Variants in GOLPH3L observed in about 807,000 individuals in gnomAD.
GOLPH3L encodes the protein Golgi phosphoprotein 3-like.
In GOLPH3L, 22 loss-of-function variants were observed where a neutral mutation model predicts 30.3. The observed-to-expected ratio is 0.73, with a 90% CI of 0.52 to 1.04. GOLPH3L has a LOEUF of 1.04. Ranked by LOEUF, GOLPH3L falls within the 50% of genes least tolerant of loss-of-function variation. GOLPH3L has a pLI of 0.00. For synonymous variants in GOLPH3L, 120 were observed against 128.2 expected, an observed-to-expected ratio of 0.94 and a Z score of 0.43; for missense variants, 303 against 345.8, an observed-to-expected ratio of 0.88 and a Z score of 0.98.
At chr1:150,684,535 T>C (rs11204695) in intron 2 of GOLPH3L, among the ~76,000 whole-genome samples, 2 of 151,892 alleles carry the variant, frequency 1.3e-5, no homozygotes, top group Non-Finnish European at 2.9e-5. Context: ...TACTCATATT[T>C]ATCTCTTTTT....
At chr1:150,664,626 G>T (rs929757492) in intron 2 of GOLPH3L, among the ~76,000 whole-genome samples, 1 of 151,896 alleles carries the variant, frequency 6.6e-6, no homozygotes, top group Non-Finnish European at 1.5e-5. Context: ...GCTAATTTTT[G>T]TATTTTTAGT....
Position 150,678,284 on chromosome 1 carries a change from C to CAAA in GOLPH3L, c.184-14524_184-14522dup, listed in dbSNP as rs75131824. 4.7e-3 allele frequency among the ~76,000 whole-genome samples: 214 copies of CAAA among 45,742 alleles called. 7 individuals carry two copies. Among genetic ancestry groups the CAAA allele is most frequent in the African/African-American group, 0.013 (158 of 12,448 alleles). The allele number at this position is 45,742 out of a possible 152,430, so 30.0% of individuals were successfully genotyped here. ...GGGCAACAAGATCGAAACTCCGTCT[C>CAAA]AAAAAAAAAAAAAAAAAAAAAAAGG... On this transcript the variant is annotated intron_variant, in intron 2 of 4. Coordinates refer to ENST00000271732, the MANE Select transcript of GOLPH3L (RefSeq NM_018178.6).
At chr1:150,653,831 T>G (rs1349860715) in intron 4 of GOLPH3L, among the ~76,000 whole-genome samples, 1 of 151,500 alleles carries the variant, frequency 6.6e-6, no homozygotes, top group Non-Finnish European at 1.5e-5. Flanking sequence ...GGCACAATCT[T>G]GTCTCACTGC....
At chr1:150,679,394 G>C (rs1650893240) in intron 2 of GOLPH3L, among the ~76,000 whole-genome samples, 1 of 152,194 alleles carries the variant, frequency 6.6e-6, no homozygotes, top group Admixed American at 6.5e-5. Context: ...TCTTCTGGCA[G>C]ACATTTAAGT....
intron 2 of GOLPH3L, among the ~76,000 whole-genome samples, chr1:150,692,412 G>A (rs587763904): frequency 1.4e-3 from 214 of 152,210 alleles, no homozygotes; most frequent in South Asian, 3.3e-3. Flanking sequence ...ATTTTTTGAG[G>A]CCTTGCTCTG....
chr1:150,674,990 G>A (rs1207992307), intron 2 of GOLPH3L, among the ~76,000 whole-genome samples: 2 of 152,086 alleles, frequency 1.3e-5, no homozygotes, highest in African/African-American at 2.4e-5. Flanking sequence ...TCCTGGGCTT[G>A]AGTTATCCTC....
At chr1:150,655,601 G>C (rs1650220360) in intron 4 of GOLPH3L, among the ~76,000 whole-genome samples, 1 of 152,140 alleles carries the variant, frequency 6.6e-6, no homozygotes, top group East Asian at 1.9e-4. Flanking sequence ...TAAGCCTCCA[G>C]AGCCTATACC....
In GOLPH3L at chr1:150,648,635, G is replaced by A. The variant is rs766238563; in HGVS notation, c.544C>T (p.Leu182=). 44 of 1,613,346 alleles carry A rather than the reference G, an allele frequency of 2.7e-5. No individual in the cohort carries two copies. Among genetic ancestry groups the A allele is most frequent in the Admixed American group, 5.0e-5 (3 of 59,972 alleles). The change falls in exon 5 of 5, where the codon CTA becomes TTA. Residue 182 remains leucine, a synonymous_variant. Transcript: ENST00000271732. ...ACTGGATGAGTAGTCATGTCAAATA[G>A]CAGGAAATTCTGCTTCTCAGTGGTT... ...ILTTEKQNFL[L]FDMTTHPVTN... is the part of the protein sequence containing the mutation.
intron 4 of GOLPH3L, among the ~76,000 whole-genome samples, chr1:150,656,911 T>C (rs933188959): frequency 1.3e-5 from 2 of 152,186 alleles, no homozygotes; most frequent in African/African-American, 4.8e-5. Context: ...TTTAAACCAA[T>C]TGAAGGTGCT....
chr1:150,694,159 A>C lies in GOLPH3L; in HGVS notation c.183+497T>G, dbSNP rs759117724. ...CAGGCGTGAGCCACCGCGTAATCCA[A>C]CTGTTGATATTTGCCTTATAAAGAT... On this transcript the variant is annotated intron_variant, in intron 2 of 4. Coordinates refer to ENST00000271732, the MANE Select transcript of GOLPH3L (RefSeq NM_018178.6). 67 of 451,170 alleles carry C rather than the reference A, an allele frequency of 1.5e-4. 1 individual carries two copies. Among genetic ancestry groups the C allele is most frequent in the South Asian group, 1.0e-3 (65 of 61,924 alleles). The allele number at this position is 451,170 out of a possible 1,614,324, so 27.9% of individuals were successfully genotyped here.
At chr1:150,665,072 T>C (rs956928080) in intron 2 of GOLPH3L, among the ~76,000 whole-genome samples, 8 of 152,134 alleles carry the variant, frequency 5.3e-5, no homozygotes, top group African/African-American at 9.7e-5. Context: ...ACTTATTATA[T>C]ACTAGATATG....
At chr1:150,678,770 C>G (rs187333555) in intron 2 of GOLPH3L, among the ~76,000 whole-genome samples, 4 of 152,136 alleles carry the variant, frequency 2.6e-5, no homozygotes, top group Non-Finnish European at 4.4e-5. Context: ...TCCTGGCCAA[C>G]ATGGTGAAAC....
rs113327290 is a variant in GOLPH3L, at chr1:150,655,017, C to T, written c.431-6269G>A. ...GCCAGGAGAGCGTATAGCACAGCTCCTGATTGTACCGTATGTGGAAATGGG... is the reference window on the plus strand; with the variant it reads ...GCCAGGAGAGCGTATAGCACAGCTCTTGATTGTACCGTATGTGGAAATGGG... On this transcript the variant is annotated intron_variant, in intron 4 of 4. Coordinates refer to ENST00000271732, the MANE Select transcript of GOLPH3L (RefSeq NM_018178.6). Among the ~76,000 whole-genome samples, 1,226 of 152,278 alleles carry T rather than the reference C, an allele frequency of 8.1e-3. 9 individuals are homozygous for T. The highest frequency in any genetic ancestry group is 0.011 in the Non-Finnish European group (733 of 68,020).
chr1:150,683,396 C>T (rs1256638900), intron 2 of GOLPH3L, among the ~76,000 whole-genome samples: 2 of 151,740 alleles, frequency 1.3e-5, no homozygotes, highest in East Asian at 1.9e-4. Context: ...ATTAGCTGGG[C>T]GTGGTGGTGG....
At chr1:150,687,021 T>C (rs1651099940) in intron 2 of GOLPH3L, among the ~76,000 whole-genome samples, 1 of 152,162 alleles carries the variant, frequency 6.6e-6, no homozygotes, top group Admixed American at 6.5e-5. Flanking sequence ...ACAGTTGCCC[T>C]ATTCACAATC....
chr1:150,659,069 C>T (rs779818650), intron 4 of GOLPH3L, among the ~76,000 whole-genome samples: 1 of 152,196 alleles, frequency 6.6e-6, no homozygotes, highest in Non-Finnish European at 1.5e-5. Flanking sequence ...GATAAAAACA[C>T]TTGGAAGCCC....
In GOLPH3L at chr1:150,661,876, A is replaced by G; in HGVS notation, c.368T>C (p.Leu123Pro). 6.2e-7 allele frequency: 1 copy of G among 1,603,328 alleles called. No homozygotes were observed. Among genetic ancestry groups the G allele is most frequent in the Non-Finnish European group, 8.5e-7 (1 of 1,170,098 alleles). Reference sequence around the variant, plus strand: ...GGGTTCAGTTGCTTTGATGTGTTTCAGAGTTTCATCCAGTAAAACATCACC... The same window carrying G: ...GGGTTCAGTTGCTTTGATGTGTTTCGGAGTTTCATCCAGTAAAACATCACC... Reference protein sequence around the residue: ...PTGDVLLDETLKHIKATEPTE... With the variant: ...PTGDVLLDETPKHIKATEPTE... The change falls in exon 4 of 5, where the codon CTG becomes CCG. Residue 123 changes from leucine to proline, a missense_variant. By Grantham distance (98) the Leu-to-Pro change is moderately conservative. Transcript: ENST00000271732.
At chr1:150,678,904 G>C (rs951751233) in intron 2 of GOLPH3L, among the ~76,000 whole-genome samples, 6 of 152,108 alleles carry the variant, frequency 3.9e-5, no homozygotes, top group African/African-American at 4.8e-5. Flanking sequence ...TGAGCCGAGA[G>C]CCAAGATCCA....
chr1:150,651,812 CAG>C (rs779280420), intron 4 of GOLPH3L, among the ~76,000 whole-genome samples: 22 of 151,410 alleles, frequency 1.5e-4, no homozygotes, highest in Admixed American at 6.6e-5. Context: ...TGAACAGACT[CAG>C]AGAAATATAA....
Sources: allele counts gnomAD v4.1 joint callset (sites outside exome capture counted in the v4.1 genomes callset), GRCh38; gene constraint gnomAD v4.1.1; transcripts MANE v1.5; gene names NCBI Gene and HGNC (gene_info 2026-07-23, HGNC 2026-07-21).